The following CISD2 variants were observed in gnomAD, a reference collection of about 807,000 sequenced individuals.
The protein encoded by CISD2 is CDGSH iron-sulfur domain-containing protein 2.
Under a neutral mutation model 12.9 loss-of-function variants are expected in CISD2, and 1 was observed. The ratio of observed to expected loss-of-function variants is 0.08; its 90% confidence interval spans 0.03 to 0.37. The LOEUF is 0.37. Among genes scored for constraint, CISD2 ranks in the 10% least tolerant of loss-of-function variants. The pLI is 0.99. For synonymous variants in CISD2, 50 were observed against 60.6 expected (o/e 0.83, Z 0.81); for missense variants, 97 against 163.1 (o/e 0.59, Z 2.21).
At chr4:102,880,550 C>T (rs757900764) in intron 1 of CISD2, among the ~76,000 whole-genome samples, 29 of 151,966 alleles carry the variant, frequency 1.9e-4, no homozygotes, top group Non-Finnish European at 3.8e-4. Flanking sequence ...TGGTGGCGCA[C>T]GTCCATAATC....
chr4:102,869,589 C>A, intron 1 of CISD2: 1 of 695,430 alleles, frequency 1.4e-6, no homozygotes, highest in Non-Finnish European at 2.6e-6. Flanking sequence ...CCCCAGCTAC[C>A]GGCTGGGTTG....
Position 102,885,391 on chromosome 4 carries a change from T to C in CISD2, c.279T>C (p.Leu93=). The change falls in exon 2 of 3, where the codon CTT becomes CTC. Residue 93 remains leucine (L), a synonymous_variant. Coordinates refer to ENST00000273986, the MANE Select transcript of CISD2 (RefSeq NM_001008388.5). ...AAATAAACATTGAAGATTTGTGTCTTACTAAAGCAGCTTATTGTAGGTGTT... is the reference window on the plus strand; with the variant it reads ...AAATAAACATTGAAGATTTGTGTCTCACTAAAGCAGCTTATTGTAGGTGTT... ...VNEINIEDLC[L]TKAAYCRCWR... 6.2e-7 allele frequency: 1 copy of C among 1,614,122 alleles called. No homozygotes were observed. Among genetic ancestry groups the C allele is most frequent in the Non-Finnish European group, 8.5e-7 (1 of 1,179,956 alleles).
chr4:102,884,642 A>G (rs223314), intron 1 of CISD2, among the ~76,000 whole-genome samples: 87,493 of 152,050 alleles, frequency 0.58, 26,473 homozygotes, highest in African/African-American at 0.78. Flanking sequence ...GGAATTAGAT[A>G]TATCTTAAAA....
intron 1 of CISD2, among the ~76,000 whole-genome samples, chr4:102,872,938 A>G (rs1004772532): frequency 6.6e-6 from 1 of 152,214 alleles, no homozygotes; most frequent in East Asian, 1.9e-4. Flanking sequence ...ATCCACTCAC[A>G]GTTCAGCATG....
chr4:102,885,019 G>T lies in CISD2; in HGVS notation c.104-197G>T, dbSNP rs1006260464. On this transcript the variant is annotated intron_variant, in intron 1 of 2. Transcript: ENST00000273986. The stretch of plus-strand genomic sequence containing the variant: ...AAAAGTTAGGTTTCTAGTTTCACTG[G>T]TCTCAAATTATAAATAAAGTAAGGT... The T allele has an allele frequency of 2.2e-5, 12 of 555,386 alleles. No individual in the cohort carries two copies. In the Admixed American group the frequency reaches 3.6e-4, roughly 17 times the overall value. The allele number at this position is 555,386 out of a possible 1,614,324, so 34.4% of individuals were successfully genotyped here.
intron 1 of CISD2, chr4:102,869,429 G>T: frequency 1.4e-6 from 1 of 707,704 alleles, no homozygotes; most frequent in Non-Finnish European, 2.6e-6. Flanking sequence ...TCATTCCGTG[G>T]CAAGATACCA....
chr4:102,888,572 A>T lies in CISD2; in HGVS notation c.*1142A>T, dbSNP rs1461591855. 6.6e-6 allele frequency: 1 copy of T among 152,260 alleles called. No homozygotes were observed. Among genetic ancestry groups the T allele is most frequent in the African/African-American group, 2.4e-5 (1 of 41,466 alleles). 9.4% of individuals were successfully genotyped at this position (152,260 alleles called of 1,614,324 possible). ...ATAAACGTACTGGAGAATCTTTAAA[A>T]TTTTTGTGCTTTTTAATCCTACTAT... On this transcript the variant is annotated 3_prime_UTR_variant, in exon 3 of 3. Transcript: ENST00000273986.
In CISD2 at chr4:102,887,464, T is replaced by G; in HGVS notation, c.*34T>G. 1.1e-6 allele frequency: 1 copy of G among 948,244 alleles called. No homozygotes were observed. Among genetic ancestry groups the G allele is most frequent in the East Asian group, 2.6e-5 (1 of 38,062 alleles). The allele number at this position is 948,244 out of a possible 1,614,324, so 58.7% of individuals were successfully genotyped here. Reference sequence around the variant, plus strand: ...ACAATATTTTCTCATTCTTTGTGTATAGAAAATTTTAAAATGGTGGTCTTA... The same window carrying G: ...ACAATATTTTCTCATTCTTTGTGTAGAGAAAATTTTAAAATGGTGGTCTTA... On this transcript the variant is annotated 3_prime_UTR_variant, in exon 3 of 3. Coordinates refer to ENST00000273986, the MANE Select transcript of CISD2 (RefSeq NM_001008388.5).
chr4:102,869,080 C>A lies in CISD2; in HGVS notation c.-5C>A, dbSNP rs374131019. On this transcript the variant is annotated 5_prime_UTR_variant, in exon 1 of 3. Coordinates refer to ENST00000273986, the MANE Select transcript of CISD2 (RefSeq NM_001008388.5). ...TCGGGAGAGGAGTGGACGCCGCTGG[C>A]CAGGATGGTGCTGGAGAGCGTGGCC... The A allele has an allele frequency of 5.6e-6, 9 of 1,608,204 alleles. No homozygotes were observed. Among genetic ancestry groups the A allele is most frequent in the Admixed American group, 1.7e-5 (1 of 59,574 alleles).
rs139497840 is a variant in CISD2, at chr4:102,882,193, AAAAT to A, written c.104-3012_104-3009del. On this transcript the variant is annotated intron_variant, in intron 1 of 2. Transcript: ENST00000273986. ...GCAATGGAAGTGAAACCCTGTCTCA[AAAAT>A]AAATAAATAAGATTTTCATCTTTGC... Among the ~76,000 whole-genome samples the A allele has an allele frequency of 8.5e-5, 13 of 152,354 alleles. No homozygotes were observed. In the East Asian group the frequency reaches 1.3e-3, roughly 16 times the overall value.
intron 2 of CISD2, among the ~76,000 whole-genome samples, chr4:102,886,950 G>T (rs1733957638): frequency 6.6e-6 from 1 of 152,144 alleles, no homozygotes; most frequent in Non-Finnish European, 1.5e-5. Flanking sequence ...TGTGTGGTAT[G>T]CATGAGTTTT....
At chr4:102,876,719 C>T (rs747382600) in intron 1 of CISD2, among the ~76,000 whole-genome samples, 1 of 151,730 alleles carries the variant, frequency 6.6e-6, no homozygotes, top group Non-Finnish European at 1.5e-5. Context: ...CACTGCACTC[C>T]AGCGTGGTGA....
At chr4:102,886,933 CA>C (rs1733956601) in intron 2 of CISD2, among the ~76,000 whole-genome samples, 1 of 151,954 alleles carries the variant, frequency 6.6e-6, no homozygotes, top group African/African-American at 2.4e-5. Flanking sequence ...TTTTTGTTTT[CA>C]AAAATTGTGT....
In CISD2 at chr4:102,889,718, G is replaced by T. The variant is rs551207619; in HGVS notation, c.*2288G>T. The T allele has an allele frequency of 7.5e-4, 114 of 152,246 alleles. No homozygotes were observed. Among genetic ancestry groups the T allele is most frequent in the African/African-American group, 2.7e-3 (111 of 41,542 alleles). 9.4% of individuals were successfully genotyped at this position (152,246 alleles called of 1,614,324 possible). On this transcript the variant is annotated 3_prime_UTR_variant, in exon 3 of 3. Transcript: ENST00000273986. ...CCACCTGTGCACATTTTTCAGAAGC[G>T]TAGGGTTGGTAGTAAGCTGTTGCTT...
intron 1 of CISD2, 81 bp from the exon 2 acceptor site, chr4:102,885,135 A>T: frequency 9.2e-7 from 1 of 1,092,666 alleles, no homozygotes; most frequent in Non-Finnish European, 1.4e-6. Flanking sequence ...AACAAAGAAT[A>T]AGCTCAAGGA....
chr4:102,883,406 G>C (rs979916429), intron 1 of CISD2, among the ~76,000 whole-genome samples: 1 of 152,182 alleles, frequency 6.6e-6, no homozygotes, highest in African/African-American at 2.4e-5. Context: ...CACAGTAAAG[G>C]CCTGTGCCCA....
chr4:102,871,527 T>C (rs1733447438), intron 1 of CISD2, among the ~76,000 whole-genome samples: 1 of 152,178 alleles, frequency 6.6e-6, no homozygotes. Context: ...TAATAACTGG[T>C]TTATGAAAAA....
Position 102,885,003 on chromosome 4 carries a change from G to A in CISD2, c.104-213G>A, listed in dbSNP as rs532591680. ...ATGGAACCTATTTCTGAAAAGTTAG[G>A]TTTCTAGTTTCACTGGTCTCAAATT... On this transcript the variant is annotated intron_variant, in intron 1 of 2. Coordinates refer to ENST00000273986, the MANE Select transcript of CISD2 (RefSeq NM_001008388.5). 17 of 524,596 alleles carry A rather than the reference G, an allele frequency of 3.2e-5. No homozygotes were observed. The East Asian group carries it at 4.1e-4, about 13-fold the overall frequency. 32.5% of individuals were successfully genotyped at this position (524,596 alleles called of 1,614,324 possible).
chr4:102,878,445 G>A (rs943784861), intron 1 of CISD2, among the ~76,000 whole-genome samples: 1 of 152,140 alleles, frequency 6.6e-6, no homozygotes, highest in African/African-American at 2.4e-5. Flanking sequence ...TTTCTTTTCT[G>A]TTGCATCATC....
Sources: allele counts gnomAD v4.1 joint callset (sites outside exome capture counted in the v4.1 genomes callset), GRCh38; gene constraint gnomAD v4.1.1; transcripts MANE v1.5; gene names NCBI Gene and HGNC (gene_info 2026-07-23, HGNC 2026-07-21).